The following ANKUB1 variants were observed in gnomAD, a reference collection of about 807,000 sequenced individuals.
ANKUB1 encodes the protein protein ANKUB1.
In ANKUB1, 42 loss-of-function variants were observed where a neutral mutation model predicts 49.3. The observed-to-expected ratio is 0.85, with a 90% CI of 0.67 to 1.10. The LOEUF is 1.10. Ranked by LOEUF, ANKUB1 falls within the 50% of genes least tolerant of loss-of-function variation. The pLI is 0.00. For synonymous variants in ANKUB1, 222 were observed against 231.0 expected, an observed-to-expected ratio of 0.96 and a Z score of 0.35; for missense variants, 613 against 642.0, an observed-to-expected ratio of 0.95 and a Z score of 0.49.
intron 3 of ANKUB1, among the ~76,000 whole-genome samples, chr3:149,774,809 C>A (rs6440639): frequency 6.6e-6 from 1 of 151,978 alleles, no homozygotes; most frequent in African/African-American, 2.4e-5. Context: ...TCCTTTCACC[C>A]CTGTTGCTTT....
intron 2 of ANKUB1, among the ~76,000 whole-genome samples, chr3:149,790,333 T>G (rs1050346650): frequency 1.3e-5 from 2 of 152,204 alleles, no homozygotes; most frequent in African/African-American, 4.8e-5. Flanking sequence ...CTAATTGGAA[T>G]GGCTACTTTG....
At chr3:149,762,295 A>G (rs1716814818) in intron 5 of ANKUB1, among the ~76,000 whole-genome samples, 1 of 152,186 alleles carries the variant, frequency 6.6e-6, no homozygotes, top group Non-Finnish European at 1.5e-5. Flanking sequence ...CATATCTCCA[A>G]TTAACAAATA....
At chr3:149,776,739 T>C (rs1717611398) in intron 3 of ANKUB1, among the ~76,000 whole-genome samples, 1 of 151,990 alleles carries the variant, frequency 6.6e-6, no homozygotes, top group African/African-American at 2.4e-5. Context: ...GGTGGGTGGA[T>C]CACTTGAGGT....
intron 2 of ANKUB1, among the ~76,000 whole-genome samples, chr3:149,787,970 A>G (rs1279992007): frequency 6.6e-6 from 1 of 152,204 alleles, no homozygotes; most frequent in Non-Finnish European, 1.5e-5. Context: ...GGTTCACATT[A>G]TGATATTTCT....
In ANKUB1 at chr3:149,790,800, G is replaced by A; in HGVS notation, c.215C>T (p.Thr72Ile). The A allele has an allele frequency of 6.4e-7, 1 of 1,551,324 alleles. No homozygotes were observed. Among genetic ancestry groups the A allele is most frequent in the Non-Finnish European group, 8.7e-7 (1 of 1,146,814 alleles). The part of the protein sequence containing the change: ...LADVGISFCS[T>I]LKCFVKEEDK... ...TCATACCTTAACAAAGCATTTGAGA[G>A]TTGAACAGAAAGATATTCCAACATC... Residue 72 changes from threonine to isoleucine, a missense_variant, in exon 2 of 6, where the codon ACT becomes ATT. Thr to Ile is a moderately conservative substitution (Grantham distance 89). Coordinates refer to ENST00000446160, the MANE Select transcript of ANKUB1 (RefSeq NM_001144960.3).
chr3:149,765,507 C>T (rs1716972505), intron 5 of ANKUB1, among the ~76,000 whole-genome samples: 1 of 152,000 alleles, frequency 6.6e-6, no homozygotes, highest in South Asian at 2.1e-4. Flanking sequence ...CAACAACAGA[C>T]ACTGTCAGCT....
chr3:149,785,032 C>A (rs1718031893), intron 2 of ANKUB1, among the ~76,000 whole-genome samples: 1 of 152,050 alleles, frequency 6.6e-6, no homozygotes, highest in Admixed American at 6.6e-5. Context: ...ATGAAGGGGG[C>A]AAAAGTGATA....
At chr3:149,779,230 A>C (rs1355094813) in intron 3 of ANKUB1, 1 of 148,298 alleles carries the variant, frequency 6.7e-6, no homozygotes, top group Non-Finnish European at 1.5e-5. Context: ...GCTGGAGTGC[A>C]GTGGTGTGAT....
At chr3:149,788,319 G>A (rs1718205380) in intron 2 of ANKUB1, among the ~76,000 whole-genome samples, 8 of 151,946 alleles carry the variant, frequency 5.3e-5, no homozygotes, top group Admixed American at 4.6e-4. Context: ...GAACTTGAGA[G>A]TTTTTAATTA....
intron 3 of ANKUB1, 106 bp downstream of exon 3, chr3:149,780,133 G>T: frequency 9.4e-6 from 8 of 851,034 alleles, no homozygotes; most frequent in Non-Finnish European, 1.5e-5. Flanking sequence ...TTAACAGATT[G>T]TATATGAAAA....
chr3:149,786,199 C>G (rs1041686511), intron 2 of ANKUB1, among the ~76,000 whole-genome samples: 6 of 152,148 alleles, frequency 3.9e-5, no homozygotes, highest in Non-Finnish European at 8.8e-5. Flanking sequence ...ACGCGCCCGG[C>G]TAATTTTTTG....
intron 2 of ANKUB1, among the ~76,000 whole-genome samples, chr3:149,789,068 C>T (rs1165769277): frequency 1.3e-5 from 2 of 152,184 alleles, no homozygotes; most frequent in South Asian, 2.1e-4. Flanking sequence ...GCCACCACAC[C>T]TGGCCAGGAT....
chr3:149,766,961 G>C (rs1717054003), intron 5 of ANKUB1, 196 bp downstream of exon 5: 3 of 1,016,132 alleles, frequency 3.0e-6, no homozygotes, highest in Non-Finnish European at 4.4e-6. Context: ...GTACTGCACA[G>C]ATTGGATTGG....
intron 2 of ANKUB1, among the ~76,000 whole-genome samples, chr3:149,784,929 C>A (rs977397537): frequency 3.9e-5 from 6 of 152,140 alleles, no homozygotes; most frequent in Non-Finnish European, 5.9e-5. Flanking sequence ...TTATGTACAG[C>A]CTACTATATA....
chr3:149,770,014 T>C (rs942285633), intron 4 of ANKUB1, among the ~76,000 whole-genome samples: 8 of 151,824 alleles, frequency 5.3e-5, no homozygotes, highest in African/African-American at 1.9e-4. Context: ...TTTCTCCCCC[T>C]CAGCCTTATT....
At chr3:149,781,960 T>A (rs552617761) in intron 2 of ANKUB1, among the ~76,000 whole-genome samples, 2 of 152,320 alleles carry the variant, frequency 1.3e-5, no homozygotes, top group East Asian at 3.9e-4. Context: ...GGACATAGGA[T>A]TGACTCTTTC....
In ANKUB1 at chr3:149,785,050, T is replaced by C. The variant is rs989265949; in HGVS notation, c.235-4595A>G. 5.9e-5 allele frequency among the ~76,000 whole-genome samples: 9 copies of C among 152,188 alleles called. 1 individual carries two copies. The highest frequency in any genetic ancestry group is 2.2e-4 in the African/African-American group (9 of 41,440). On this transcript the variant is annotated intron_variant, in intron 2 of 5. Coordinates refer to ENST00000446160, the MANE Select transcript of ANKUB1 (RefSeq NM_001144960.3). ...AAGGGGGCAAAAGTGATAGTGCCTC[T>C]GCATGTTGTACAAAAACATACACTT...
At chr3:149,783,963 T>C (rs1443639829) in intron 2 of ANKUB1, 2 of 152,248 alleles carry the variant, frequency 1.3e-5, no homozygotes, top group Non-Finnish European at 2.9e-5. Flanking sequence ...TGTTTATACA[T>C]GTTTTTGTGT....
intron 1 of ANKUB1, 62 bp from the exon 2 acceptor site, chr3:149,790,986 A>G: frequency 6.8e-7 from 1 of 1,466,906 alleles, no homozygotes; most frequent in East Asian, 2.5e-5. Context: ...CCAGAAATGT[A>G]CTCTCTTTCC....
Sources: allele counts gnomAD v4.1 joint callset (sites outside exome capture counted in the v4.1 genomes callset), GRCh38; gene constraint gnomAD v4.1.1; transcripts MANE v1.5; gene names NCBI Gene and HGNC (gene_info 2026-07-23, HGNC 2026-07-21).